The following TNR variants were observed in gnomAD, a reference collection of about 807,000 sequenced individuals.
The protein encoded by TNR is tenascin-R.
A neutral mutation model predicts 150.4 loss-of-function variants in TNR; 45 were observed. The ratio of observed to expected loss-of-function variants is 0.30; its 90% CI spans 0.24 to 0.38. The LOEUF (loss-of-function observed/expected upper bound fraction) is 0.38. Among genes scored for constraint, TNR ranks in the 10% least tolerant of loss-of-function variants. The pLI is 1.00. For missense variants in TNR, 1,544 were observed against 1,759.1 expected (o/e 0.88, Z 2.19); for synonymous variants, 687 against 678.4 (o/e 1.01, Z -0.20).
chr1:175,626,208 T>C (rs1664150639), intron 1 of TNR, among the ~76,000 whole-genome samples: 1 of 152,240 alleles, frequency 6.6e-6, no homozygotes, highest in African/African-American at 2.4e-5. Flanking sequence ...TTGCCCGGTC[T>C]CGGGTATGTC....
intron 1 of TNR, among the ~76,000 whole-genome samples, chr1:175,713,469 C>A (rs1052668984): frequency 6.6e-6 from 1 of 152,104 alleles, no homozygotes; most frequent in Non-Finnish European, 1.5e-5. Flanking sequence ...TTTTTAAAGT[C>A]TAACTTATAA....
At chr1:175,472,739 T>A (rs924339837) in intron 2 of TNR, among the ~76,000 whole-genome samples, 16 of 152,212 alleles carry the variant, frequency 1.1e-4, no homozygotes. Flanking sequence ...CAGGAAGGGA[T>A]GACATCTCGG....
chr1:175,612,702 T>G (rs1456495081), intron 1 of TNR, among the ~76,000 whole-genome samples: 3 of 152,210 alleles, frequency 2.0e-5, no homozygotes, highest in Non-Finnish European at 4.4e-5. Flanking sequence ...TTCTGTGATG[T>G]CTTTAAAATC....
chr1:175,510,288 C>G (rs1363361548), intron 2 of TNR, among the ~76,000 whole-genome samples: 1 of 151,914 alleles, frequency 6.6e-6, no homozygotes. Flanking sequence ...AGTCCAGGGA[C>G]TTTATTTTGT....
At chr1:175,592,727 C>T (rs1321092823) in intron 1 of TNR, among the ~76,000 whole-genome samples, 4 of 152,224 alleles carry the variant, frequency 2.6e-5, no homozygotes, top group Non-Finnish European at 4.4e-5. Context: ...GTGACTCTCC[C>T]AGGGACACAG....
intron 1 of TNR, among the ~76,000 whole-genome samples, chr1:175,674,563 T>C (rs895873196): frequency 6.6e-6 from 1 of 152,256 alleles, no homozygotes; most frequent in South Asian, 2.1e-4. Context: ...ACTACATCAC[T>C]CTGTGGGGTT....
intron 1 of TNR, among the ~76,000 whole-genome samples, chr1:175,627,141 C>G (rs576709480): frequency 2.6e-5 from 4 of 152,346 alleles, no homozygotes; most frequent in African/African-American, 9.6e-5. Context: ...AACTCATACA[C>G]TTGTTAATCT....
At chr1:175,496,723 A>C (rs1273718195) in intron 2 of TNR, among the ~76,000 whole-genome samples, 1 of 152,232 alleles carries the variant, frequency 6.6e-6, no homozygotes, top group African/African-American at 2.4e-5. Flanking sequence ...CAAGTCTCCT[A>C]GCTGTTAAAA....
intron 1 of TNR, among the ~76,000 whole-genome samples, chr1:175,662,067 A>T (rs961598103): frequency 1.3e-5 from 2 of 152,150 alleles, no homozygotes; most frequent in Non-Finnish European, 2.9e-5. Flanking sequence ...TTTAGGAAGA[A>T]GAGAGCAGGA....
At chr1:175,361,786 G>A (rs1435963475) in intron 14 of TNR, among the ~76,000 whole-genome samples, 1 of 152,198 alleles carries the variant, frequency 6.6e-6, no homozygotes, top group Non-Finnish European at 1.5e-5. Context: ...CTAGGGTATG[G>A]GAATAGAACA....
intron 1 of TNR, among the ~76,000 whole-genome samples, chr1:175,721,498 G>A (rs1337275769): frequency 4.6e-5 from 7 of 152,034 alleles, no homozygotes; most frequent in Non-Finnish European, 7.4e-5. Flanking sequence ...CTGATCTGTC[G>A]CCATTCCACC....
Position 175,514,596 on chromosome 1 carries a change from A to G in TNR, c.-64+13673T>C, listed in dbSNP as rs117958658. On this transcript the variant is annotated intron_variant, in intron 2 of 22. Transcript: ENST00000367674. ...GAAACAGTCTGAGAAGTTTTTGTGT[A>G]GGGAGATGCTTGGTAAAAACGTAGT... Among the ~76,000 whole-genome samples the G allele has an allele frequency of 2.6e-3, 395 of 152,356 alleles. 18 individuals carry two copies. In the East Asian group the frequency reaches 0.067, roughly 26 times the overall value.
intron 1 of TNR, among the ~76,000 whole-genome samples, chr1:175,715,195 G>A (rs1667122288): frequency 6.6e-6 from 1 of 152,204 alleles, no homozygotes; most frequent in Admixed American, 6.5e-5. Context: ...CCTGGGGTTT[G>A]TTTGCTTTGC....
chr1:175,485,731 A>G (rs772269690), intron 2 of TNR, among the ~76,000 whole-genome samples: 2 of 152,166 alleles, frequency 1.3e-5, no homozygotes, highest in African/African-American at 2.4e-5. Flanking sequence ...CTTGTGTGCC[A>G]AGGGATTTAG....
intron 2 of TNR, among the ~76,000 whole-genome samples, chr1:175,439,139 A>G (rs180807867): frequency 9.2e-5 from 14 of 152,366 alleles, no homozygotes; most frequent in Non-Finnish European, 4.4e-5. Flanking sequence ...ACAAGGCTAC[A>G]GTAACCAAAA....
Position 175,372,031 on chromosome 1 carries a change from C to G in TNR, c.1964-4734G>C, listed in dbSNP as rs144436799. Among the ~76,000 whole-genome samples, 1,463 of 152,254 alleles carry G rather than the reference C, an allele frequency of 9.6e-3. 22 individuals are homozygous for G. Among genetic ancestry groups the G allele is most frequent in the African/African-American group, 0.031 (1,296 of 41,518 alleles). ...TGGATCCCTCATGAATGGCTTGGAG[C>G]TGTCCTCCAGATAGTGAGTGAGTTC... is the stretch of plus-strand genomic sequence containing the variant. On this transcript the variant is annotated intron_variant, in intron 9 of 22. Coordinates refer to ENST00000367674, the MANE Select transcript of TNR (RefSeq NM_003285.3).
At chr1:175,353,750 A>G (rs573893945) in intron 18 of TNR, among the ~76,000 whole-genome samples, 2 of 152,374 alleles carry the variant, frequency 1.3e-5, no homozygotes, top group South Asian at 4.1e-4. Flanking sequence ...GTCTCTGATT[A>G]CAGGTAGCAG....
chr1:175,566,317 A>G (rs1661642118), intron 1 of TNR, among the ~76,000 whole-genome samples: 1 of 152,254 alleles, frequency 6.6e-6, no homozygotes, highest in Admixed American at 6.5e-5. Context: ...AAAGGAGATG[A>G]AATCCAAATG....
intron 15 of TNR, among the ~76,000 whole-genome samples, chr1:175,358,633 C>A (rs1651439808): frequency 6.6e-6 from 1 of 152,178 alleles, no homozygotes; most frequent in African/African-American, 2.4e-5. Flanking sequence ...TAACCCAAAA[C>A]AATTCTGTGA....
Sources: allele counts gnomAD v4.1 joint callset (sites outside exome capture counted in the v4.1 genomes callset), GRCh38; gene constraint gnomAD v4.1.1; transcripts MANE v1.5; gene names NCBI Gene and HGNC (gene_info 2026-07-23, HGNC 2026-07-21).